Variants in DYNC2H1 observed in about 807,000 individuals in gnomAD.
DYNC2H1 encodes the protein dynein cytoplasmic 2 heavy chain 1.
DYNC2H1 carries 410 observed loss-of-function variants against 570.0 expected under a neutral mutation model. The ratio of observed to expected loss-of-function variants is 0.72; its 90% CI spans 0.66 to 0.78. The LOEUF is 0.78. Ranked by LOEUF, DYNC2H1 falls within the 30% of genes least tolerant of loss-of-function variation. DYNC2H1 has a pLI of 0.00. For synonymous variants in DYNC2H1, 1,688 were observed against 1,677.6 expected (o/e 1.01, Z -0.15); for missense variants, 4,865 against 5,046.4 (o/e 0.96, Z 1.09).
At chr11:103,385,567 T>G (rs1377818002) in intron 83 of DYNC2H1, among the ~76,000 whole-genome samples, 1 of 152,174 alleles carries the variant, frequency 6.6e-6, no homozygotes, top group Non-Finnish European at 1.5e-5. Context: ...ATAATAAAAC[T>G]TATATTAGCT....
intron 84 of DYNC2H1, among the ~76,000 whole-genome samples, chr11:103,415,053 CA>C (rs1943230782): frequency 1.3e-5 from 2 of 152,078 alleles, no homozygotes; most frequent in African/African-American, 4.8e-5. Flanking sequence ...CTGAGAAACA[CA>C]AGCAATGGGG....
chr11:103,369,754 T>C lies in DYNC2H1; in HGVS notation c.12156+11395T>C, dbSNP rs1941068454. Among the ~76,000 whole-genome samples, 2 of 152,184 alleles carry C rather than the reference T, an allele frequency of 1.3e-5. No homozygotes were observed. Among genetic ancestry groups the C allele is most frequent in the African/African-American group, 2.4e-5 (1 of 41,448 alleles). Reference sequence around the variant, plus strand: ...TGCCTTGAAGGGAAGTACCCAATCCTGGCAAGATTCATCACCTGCTAACTG... The same window carrying C: ...TGCCTTGAAGGGAAGTACCCAATCCCGGCAAGATTCATCACCTGCTAACTG... On this transcript the variant is annotated intron_variant, in intron 83 of 88. Transcript: ENST00000375735. This position sits in a 1 kb window ranked among gnomAD's most constrained non-coding sequence, Gnocchi z 4.0.
intron 20 of DYNC2H1, among the ~76,000 whole-genome samples, chr11:103,150,167 T>C (rs991523320): frequency 3.3e-5 from 5 of 152,182 alleles, no homozygotes; most frequent in Non-Finnish European, 4.4e-5. Context: ...CTTTTAGAAA[T>C]TGTAAGAAGT....
intron 83 of DYNC2H1, among the ~76,000 whole-genome samples, chr11:103,393,386 G>A (rs1942255688): frequency 6.6e-6 from 1 of 152,004 alleles, no homozygotes; most frequent in South Asian, 2.1e-4. Context: ...TCATTCCTCA[G>A]GCCAAATTAT....
At position 103,243,715 on chromosome 11, in the gene DYNC2H1, T is replaced by C. The variant is rs1204094235; in HGVS notation, c.9842T>C (p.Ile3281Thr). 1.9e-6 allele frequency: 3 copies of C among 1,605,300 alleles called. No homozygotes were observed. The highest frequency in any genetic ancestry group is 1.7e-5 in the Admixed American group (1 of 59,166). The change falls in exon 64 of 89, where the codon ATA (isoleucine) becomes ACA (threonine). Residue 3281 changes from isoleucine (I) to threonine (T), a missense_variant. Coordinates refer to ENST00000375735, the MANE Select transcript of DYNC2H1 (RefSeq NM_001377.3). The surrounding 1 kb of genome is among the most constrained non-coding windows in gnomAD (Gnocchi z 4.8). Reference protein sequence around the residue: ...ILQSRVCPFLIDPSSQATEWL... With the variant: ...ILQSRVCPFLTDPSSQATEWL... ...TAGAGTCGAGTGTGCCCATTTCTTATAGATCCTTCTTCCCAAGCTACAGAG... is the reference window on the plus strand; with the variant it reads ...TAGAGTCGAGTGTGCCCATTTCTTACAGATCCTTCTTCCCAAGCTACAGAG...
At chr11:103,270,798 A>G (rs1313739060) in intron 70 of DYNC2H1, among the ~76,000 whole-genome samples, 2 of 152,184 alleles carry the variant, frequency 1.3e-5, no homozygotes, top group Non-Finnish European at 2.9e-5. Flanking sequence ...TTGCAATTTA[A>G]TATCTATGAG....
chr11:103,368,138 G>A (rs1215632887), intron 83 of DYNC2H1, among the ~76,000 whole-genome samples: 1 of 152,180 alleles, frequency 6.6e-6, no homozygotes, highest in Non-Finnish European at 1.5e-5. Context: ...AGTAGTGAGA[G>A]TGTGGGTAGT....
At chr11:103,233,047 A>G (rs1368497505) in intron 60 of DYNC2H1, among the ~76,000 whole-genome samples, 2 of 152,000 alleles carry the variant, frequency 1.3e-5, no homozygotes, top group East Asian at 1.9e-4. Flanking sequence ...TTATTTGTCC[A>G]TATTGGACAA....
intron 75 of DYNC2H1, among the ~76,000 whole-genome samples, chr11:103,293,056 G>C (rs560400495): frequency 7.7e-4 from 117 of 152,286 alleles, no homozygotes; most frequent in Middle Eastern, 3.4e-3. Flanking sequence ...ATTTCTTGTT[G>C]CTTGAGAATC....
At chr11:103,238,882 A>G (rs1173828058) in intron 63 of DYNC2H1, among the ~76,000 whole-genome samples, 1 of 152,188 alleles carries the variant, frequency 6.6e-6, no homozygotes, top group Non-Finnish European at 1.5e-5. Context: ...ATTTGGCCAT[A>G]GTGATCATAT....
At chr11:103,152,652 T>C (rs2134876083) in intron 21 of DYNC2H1, among the ~76,000 whole-genome samples, 1 of 152,302 alleles carries the variant, frequency 6.6e-6, no homozygotes, top group African/African-American at 2.4e-5. Flanking sequence ...AATTGTAGCT[T>C]ATGTTTCTGT....
At chr11:103,220,399 T>C (rs1162546015) in intron 56 of DYNC2H1, among the ~76,000 whole-genome samples, 1 of 152,166 alleles carries the variant, frequency 6.6e-6, no homozygotes, top group Non-Finnish European at 1.5e-5. Context: ...CAAGTTAGAT[T>C]TTCCAAATTA....
intron 83 of DYNC2H1, among the ~76,000 whole-genome samples, chr11:103,366,451 G>A (rs1940912353): frequency 6.6e-6 from 1 of 151,958 alleles, no homozygotes; most frequent in African/African-American, 2.4e-5. Flanking sequence ...AAGAAAAAAT[G>A]TTTTTCATAG....
At chr11:103,153,153 T>C in intron 21 of DYNC2H1, 150 bp from the exon 22 acceptor site, 2 of 621,682 alleles carry the variant, frequency 3.2e-6, no homozygotes, top group Non-Finnish European at 5.3e-6. Flanking sequence ...AACTTGGAAT[T>C]AATAATTAAA....
chr11:103,251,764 A>G (rs939077783), intron 65 of DYNC2H1, among the ~76,000 whole-genome samples: 6 of 152,152 alleles, frequency 3.9e-5, no homozygotes, highest in African/African-American at 1.4e-4. Context: ...GAGATCAAGC[A>G]GTAATTTTCT....
At chr11:103,364,219 A>C (rs1350920083) in intron 83 of DYNC2H1, among the ~76,000 whole-genome samples, 1 of 152,186 alleles carries the variant, frequency 6.6e-6, no homozygotes, top group Non-Finnish European at 1.5e-5. Flanking sequence ...AGATTCTAAG[A>C]ATTTAAGAAT....
At chr11:103,293,953 T>C (rs1866716514) in intron 75 of DYNC2H1, among the ~76,000 whole-genome samples, 1 of 152,056 alleles carries the variant, frequency 6.6e-6, no homozygotes, top group Admixed American at 6.6e-5. Flanking sequence ...GGCAGGCGCC[T>C]CTAATCCCAG....
At chr11:103,138,538 T>C (rs1364601011) in intron 17 of DYNC2H1, among the ~76,000 whole-genome samples, 2 of 152,196 alleles carry the variant, frequency 1.3e-5, no homozygotes, top group South Asian at 2.1e-4. Flanking sequence ...TATATTGAAC[T>C]AGCCTTGCAT....
intron 32 of DYNC2H1, 21 bp downstream of exon 32, chr11:103,168,981 T>C: frequency 1.9e-6 from 3 of 1,541,814 alleles, no homozygotes; most frequent in Non-Finnish European, 2.6e-6. Context: ...TGGCAGTGTT[T>C]TATATTTCCA....
Sources: gnomAD v4.1 joint callset for allele counts (sites outside exome capture counted in the v4.1 genomes callset) on GRCh38, gnomAD v4.1.1 for gene constraint, Gnocchi (gnomAD v3.1) non-coding constraint, MANE v1.5 for transcripts, NCBI Gene and HGNC (gene_info 2026-07-23, HGNC 2026-07-21) for gene names.